The following HIF3A variants were observed in gnomAD, a reference collection of about 807,000 sequenced individuals.
HIF3A encodes the protein hypoxia inducible factor 3 subunit alpha, also known as hypoxia-inducible factor 3-alpha.
HIF3A carries 41 observed loss-of-function variants against 67.2 expected under a neutral mutation model. The ratio of observed to expected loss-of-function variants is 0.61; its 90% confidence interval spans 0.48 to 0.79. The LOEUF is 0.79. Ranked by LOEUF, HIF3A falls within the 30% of genes least tolerant of loss-of-function variation. The pLI is 0.00. For synonymous variants in HIF3A, 356 were observed against 374.8 expected, an observed-to-expected ratio of 0.95 and a Z score of 0.58; for missense variants, 855 against 898.0, an observed-to-expected ratio of 0.95 and a Z score of 0.61.
At chr19:46,329,541 C>T in intron 12 of HIF3A, 63 bp downstream of exon 12, 1 of 1,431,864 alleles carries the variant, frequency 7.0e-7, no homozygotes, top group Non-Finnish European at 9.2e-7. Context: ...GCCCCTGCCT[C>T]CTGCTTCAGC....
At chr19:46,326,960 TG>T (rs1375688633) in intron 11 of HIF3A, among the ~76,000 whole-genome samples, 1 of 152,138 alleles carries the variant, frequency 6.6e-6, no homozygotes, top group African/African-American at 2.4e-5. Context: ...AAGACCGTTC[TG>T]GCCAACATGG....
rs192191474 is a variant in HIF3A, at chr19:46,300,469, T to C, written c.26+3367T>C. ...TGAGGTCAGGAGTTCGAGACCAGCCTGGCCAACATAGTGAAACCCTGTCTC... is the reference window on the plus strand; with the variant it reads ...TGAGGTCAGGAGTTCGAGACCAGCCCGGCCAACATAGTGAAACCCTGTCTC... On this transcript the variant is annotated intron_variant, in intron 1 of 14. Transcript: ENST00000377670. Among the ~76,000 whole-genome samples, 4 of 152,312 alleles carry C rather than the reference T, an allele frequency of 2.6e-5. No individual in the cohort carries two copies. In the East Asian group the frequency reaches 7.7e-4, roughly 29 times the overall value.
intron 9 of HIF3A, 60 bp downstream of exon 9, chr19:46,320,621 C>T: frequency 1.5e-6 from 2 of 1,321,230 alleles, no homozygotes; most frequent in Non-Finnish European, 2.2e-6. Context: ...GGAGAAAGCC[C>T]AAGCACCTTA....
chr19:46,336,548 C>CGTGT (rs759659296), intron 14 of HIF3A, among the ~76,000 whole-genome samples: 2 of 149,748 alleles, frequency 1.3e-5, no homozygotes, highest in Admixed American at 1.3e-4. Context: ...TGTTTGTGTG[C>CGTGT]GTGTGTGTGT....
At chr19:46,335,028 T>C in intron 14 of HIF3A, 42 bp downstream of exon 14, 4 of 1,515,000 alleles carry the variant, frequency 2.6e-6, no homozygotes, top group Non-Finnish European at 3.6e-6. Flanking sequence ...GAGCACCTTC[T>C]CCCCCGGGAG....
intron 14 of HIF3A, chr19:46,338,303 G>T (rs1470334112): frequency 2.2e-6 from 1 of 452,590 alleles, no homozygotes; most frequent in Non-Finnish European, 4.4e-6. Flanking sequence ...CTGGGCTCAA[G>T]TGATCCTCCT....
At position 46,320,485 on chromosome 19, in the gene HIF3A, G is replaced by A. The variant is rs370576749; in HGVS notation, c.1068G>A (p.Thr356=). The A allele has an allele frequency of 9.9e-6, 16 of 1,614,006 alleles. No individual in the cohort carries two copies. Among genetic ancestry groups the A allele is most frequent in the Middle Eastern group, 1.6e-4 (1 of 6,084 alleles). The change falls in exon 9 of 15, where the codon ACG becomes ACA. Residue 356 remains threonine (T), a synonymous_variant. Transcript: ENST00000377670. ...GAGTGGTGCTGTCCCTGGAGCAAAC[G>A]GAGCAACACTCTCGCAGACCCATTC... ...ETGVVLSLEQ[T]EQHSRRPIQR...
At chr19:46,303,240 C>T (rs1361665924) in intron 1 of HIF3A, among the ~76,000 whole-genome samples, 1 of 152,212 alleles carries the variant, frequency 6.6e-6, no homozygotes, top group African/African-American at 2.4e-5. Context: ...GACACTTATT[C>T]TTCCAACCCC....
chr19:46,336,390 A>G (rs956314137), intron 14 of HIF3A, among the ~76,000 whole-genome samples: 1 of 150,924 alleles, frequency 6.6e-6, no homozygotes, highest in African/African-American at 2.4e-5. Flanking sequence ...TTTTTTGAGA[A>G]GGGTCTCGCT....
At chr19:46,308,809 G>A (rs559798227) in intron 5 of HIF3A, 34 bp downstream of exon 5, 122 of 1,365,496 alleles carry the variant, frequency 8.9e-5, no homozygotes, top group Non-Finnish European at 1.2e-4. Context: ...GGGCGGGGAC[G>A]CTGGGGCTGG....
At chr19:46,339,184 T>C (rs1971832621) in intron 14 of HIF3A, among the ~76,000 whole-genome samples, 1 of 152,154 alleles carries the variant, frequency 6.6e-6, no homozygotes, top group African/African-American at 2.4e-5. Flanking sequence ...CTCTCTGCTT[T>C]CTTTTACGTG....
At chr19:46,317,065 T>G (rs10414652) in intron 8 of HIF3A, among the ~76,000 whole-genome samples, 1 of 152,086 alleles carries the variant, frequency 6.6e-6, no homozygotes, top group African/African-American at 2.4e-5. Context: ...GGACTATAGG[T>G]GCGCACTACC....
intron 1 of HIF3A, among the ~76,000 whole-genome samples, chr19:46,298,146 C>G (rs142872100): frequency 0.015 from 2,271 of 152,004 alleles, 63 homozygotes; most frequent in African/African-American, 0.05. Flanking sequence ...AGCCTCACCC[C>G]CTTCCCTCCT....
chr19:46,332,754 C>T (rs993002790), intron 13 of HIF3A, among the ~76,000 whole-genome samples: 30 of 152,014 alleles, frequency 2.0e-4, no homozygotes, highest in East Asian at 1.2e-3. Flanking sequence ...GAGGATGAGG[C>T]GGGATAATCA....
rs531816670 is a variant in HIF3A, at chr19:46,312,882, A to ATT, written c.1025+257_1025+258dup. On this transcript the variant is annotated intron_variant, in intron 8 of 14. Transcript: ENST00000377670. Reference sequence around the variant, plus strand: ...ATGTGTATGGGTGTGTAGACTGTTAATTTTTTTTTTTTTTTTTTTTTTTTT... The same window carrying ATT: ...ATGTGTATGGGTGTGTAGACTGTTAATTTTTTTTTTTTTTTTTTTTTTTTTTT... 9.6e-4 allele frequency: 842 copies of ATT among 878,510 alleles called. 24 individuals carry two copies. The African/African-American group carries it at 0.01, about 11-fold the overall frequency. 54.4% of individuals were successfully genotyped at this position (878,510 alleles called of 1,614,324 possible). A position where few individuals can be genotyped will look rare whatever the true frequency, so the allele number is the denominator to read the frequency against.
rs1448774177 is a variant in HIF3A, at chr19:46,335,047, G to C, written c.1912+61G>C. 12 of 1,360,244 alleles carry C rather than the reference G, an allele frequency of 8.8e-6. No individual in the cohort carries two copies. The South Asian group carries it at 1.2e-4, about 13-fold the overall frequency. 84.3% of individuals were successfully genotyped at this position (1,360,244 alleles called of 1,614,324 possible). A position where few individuals can be genotyped will look rare whatever the true frequency, so the allele number is the denominator to read the frequency against. ...ACCTTCTCCCCCGGGAGGTGCGAGA[G>C]GGATGGAGCCATTCCAAAGGTGCTG... On this transcript the variant is annotated intron_variant, in intron 14 of 14. Transcript: ENST00000377670.
chr19:46,329,031 T>G, intron 11 of HIF3A, 176 bp from the exon 12 acceptor site: 1 of 537,516 alleles, frequency 1.9e-6, no homozygotes, highest in Non-Finnish European at 3.2e-6. Context: ...TGACCCAGTT[T>G]AGGATTTCTC....
intron 12 of HIF3A, among the ~76,000 whole-genome samples, chr19:46,329,770 G>T (rs567932678): frequency 2.0e-5 from 3 of 152,014 alleles, no homozygotes; most frequent in Non-Finnish European, 4.4e-5. Flanking sequence ...GACAATTTTT[G>T]TCAGAGTTTA....
At chr19:46,336,343 C>G (rs1253532479) in intron 14 of HIF3A, among the ~76,000 whole-genome samples, 1 of 151,720 alleles carries the variant, frequency 6.6e-6, no homozygotes, top group Non-Finnish European at 1.5e-5. Flanking sequence ...CCGCCCACCT[C>G]GGCCTCCCAG....
Sources: gnomAD v4.1 joint callset for allele counts (sites outside exome capture counted in the v4.1 genomes callset) on GRCh38, gnomAD v4.1.1 for gene constraint, MANE v1.5 for transcripts, NCBI Gene and HGNC (gene_info 2026-07-23, HGNC 2026-07-21) for gene names.